The following DYNC1I1 variants were observed in gnomAD, a reference collection of about 807,000 sequenced individuals.
DYNC1I1 encodes cytoplasmic dynein 1 intermediate chain 1.
Under a neutral mutation model 86.6 loss-of-function variants are expected in DYNC1I1, and 43 were observed. The observed-to-expected ratio is 0.50, with a 90% CI of 0.39 to 0.64. The LOEUF (loss-of-function observed/expected upper bound fraction) is 0.64. Among genes scored for constraint, DYNC1I1 ranks in the 30% least tolerant of loss-of-function variants. DYNC1I1 has a pLI of 0.00. For missense variants in DYNC1I1, 604 were observed against 788.8 expected (o/e 0.77, Z 2.81); for synonymous variants, 262 against 283.7 (o/e 0.92, Z 0.77).
rs1793903623 is a variant in DYNC1I1, at chr7:95,997,655, CAACA to C, written c.969+1587_969+1590del. ...TGGGATCATTGACTAAACATTTCTCCAACAAACATTTTTTTTAGTTTCTCCCTTA... is the reference window on the plus strand; with the variant it reads ...TGGGATCATTGACTAAACATTTCTCCAACATTTTTTTTAGTTTCTCCCTTA... On this transcript the variant is annotated intron_variant, in intron 10 of 16. Coordinates refer to ENST00000447467, the MANE Select transcript of DYNC1I1 (RefSeq NM_001135556.2). 2.2e-5 allele frequency among the ~76,000 whole-genome samples: 3 copies of C among 138,246 alleles called. No individual in the cohort carries two copies. The Admixed American group carries it at 2.2e-4, about 10-fold the overall frequency. 90.7% of individuals were successfully genotyped at this position (138,246 alleles called of 152,430 possible).
At chr7:96,028,383 A>G (rs1351267241) in intron 11 of DYNC1I1, 62 bp downstream of exon 11, 13 of 1,549,788 alleles carry the variant, frequency 8.4e-6, no homozygotes, top group African/African-American at 4.1e-5. Flanking sequence ...AAATAACTCT[A>G]CTCAAAAAAG....
downstream of DYNC1I1, among the ~76,000 whole-genome samples, chr7:96,101,615 GGTAAT>G (rs1332271992): frequency 3.3e-5 from 5 of 152,196 alleles, no homozygotes; most frequent in Non-Finnish European, 4.4e-5. Context: ...ACGGCAACAA[GGTAAT>G]GTAATGGAGT....
At chr7:95,996,098 ACTTACAT>A in intron 10 of DYNC1I1, 25 bp downstream of exon 10, 1 of 1,613,876 alleles carries the variant, frequency 6.2e-7, no homozygotes, top group South Asian at 1.1e-5. Flanking sequence ...AGTAAAAATA[ACTTACAT>A]CTCCTGCTAG....
Position 95,941,301 on chromosome 7 carries a change from G to A in DYNC1I1, c.491-36211G>A, listed in dbSNP as rs547734085. ...TGCCCGTTCTCAGATCTCCAGCTGC[G>A]TGCTGGGAGAACCACTGCTCTCTTC... On this transcript the variant is annotated intron_variant, in intron 6 of 16. Coordinates refer to ENST00000447467, the MANE Select transcript of DYNC1I1 (RefSeq NM_001135556.2). Among the ~76,000 whole-genome samples, 60 of 151,746 alleles carry A rather than the reference G, an allele frequency of 4.0e-4. 2 individuals carry two copies. In the South Asian group the frequency reaches 9.6e-3, roughly 24 times the overall value.
At chr7:95,921,884 TG>T (rs1791619748) in intron 6 of DYNC1I1, among the ~76,000 whole-genome samples, 1 of 152,208 alleles carries the variant, frequency 6.6e-6, no homozygotes, top group Non-Finnish European at 1.5e-5. Flanking sequence ...AGTGAGCAAC[TG>T]CTTTGTGCAA....
intron 14 of DYNC1I1, among the ~76,000 whole-genome samples, chr7:96,046,491 A>T (rs1179672164): frequency 6.6e-6 from 1 of 152,208 alleles, no homozygotes; most frequent in African/African-American, 2.4e-5. Context: ...ATATAAGAGG[A>T]AATAGGCACA....
At chr7:95,987,001 T>A in intron 8 of DYNC1I1, 55 bp from the exon 9 acceptor site, 1 of 1,515,438 alleles carries the variant, frequency 6.6e-7, no homozygotes, top group Non-Finnish European at 9.1e-7. Context: ...TGCTTCTATA[T>A]GAGCAGCATA....
intron 6 of DYNC1I1, among the ~76,000 whole-genome samples, chr7:95,952,920 C>G (rs1339317730): frequency 6.6e-6 from 1 of 151,794 alleles, no homozygotes; most frequent in Non-Finnish European, 1.5e-5. Flanking sequence ...CCTTCAGGGT[C>G]TGCCTGTCCA....
intron 10 of DYNC1I1, among the ~76,000 whole-genome samples, chr7:96,010,410 G>T (rs1794248619): frequency 6.6e-6 from 1 of 152,162 alleles, no homozygotes; most frequent in African/African-American, 2.4e-5. Flanking sequence ...TCCTGCAAAT[G>T]TTTGGGGATG....
intron 10 of DYNC1I1, among the ~76,000 whole-genome samples, chr7:96,025,383 A>G (rs1460461275): frequency 6.6e-6 from 1 of 152,126 alleles, no homozygotes. Context: ...CTTAAGATAT[A>G]AGTGAAATTG....
intron 10 of DYNC1I1, among the ~76,000 whole-genome samples, chr7:96,014,823 A>G (rs1794364412): frequency 6.6e-6 from 1 of 152,202 alleles, no homozygotes; most frequent in African/African-American, 2.4e-5. Context: ...GATGAAGCCC[A>G]AACACAACTG....
chr7:95,970,688 G>A (rs1296062893), intron 6 of DYNC1I1, among the ~76,000 whole-genome samples: 1 of 152,144 alleles, frequency 6.6e-6, no homozygotes, highest in Non-Finnish European at 1.5e-5. Flanking sequence ...GTAATTTCCA[G>A]AACAGTCTCC....
At chr7:96,020,068 A>G (rs965263709) in intron 10 of DYNC1I1, among the ~76,000 whole-genome samples, 5 of 151,012 alleles carry the variant, frequency 3.3e-5, no homozygotes, top group Non-Finnish European at 7.4e-5. Flanking sequence ...CCTCATATCC[A>G]TTAGAATGGC....
chr7:96,087,957 A>G (rs974231783), intron 16 of DYNC1I1, among the ~76,000 whole-genome samples: 5 of 152,222 alleles, frequency 3.3e-5, no homozygotes, highest in African/African-American at 1.2e-4. Flanking sequence ...CTATGATTGT[A>G]ATTTTGGTAT....
chr7:96,080,298 TGTA>T, intron 15 of DYNC1I1, 62 bp from the exon 16 acceptor site: 1 of 1,514,578 alleles, frequency 6.6e-7, no homozygotes, highest in Non-Finnish European at 8.8e-7. Flanking sequence ...AACGTATTAT[TGTA>T]AATTTGTATA....
intron 5 of DYNC1I1, among the ~76,000 whole-genome samples, chr7:95,845,397 G>A (rs1789398746): frequency 6.6e-6 from 1 of 152,144 alleles, no homozygotes; most frequent in South Asian, 2.1e-4. Context: ...TAAAGTTATT[G>A]CCATTTGCCT....
rs192266334 is a variant in DYNC1I1, at chr7:96,054,674, C to T, written c.1509+15253C>T. ...TGTTTCCTGACTTTTTAATGATCTC[C>T]ATTCTAACTGACAGTGAGGTTTTGA... On this transcript the variant is annotated intron_variant, in intron 14 of 16. Coordinates refer to ENST00000447467, the MANE Select transcript of DYNC1I1 (RefSeq NM_001135556.2). Among the ~76,000 whole-genome samples the T allele has an allele frequency of 1.1e-3, 160 of 152,250 alleles. 2 individuals carry two copies. The highest frequency in any genetic ancestry group is 3.4e-3 in the Middle Eastern group (1 of 294).
intron 14 of DYNC1I1, among the ~76,000 whole-genome samples, chr7:96,059,160 T>C (rs1487740230): frequency 6.6e-6 from 1 of 152,194 alleles, no homozygotes; most frequent in African/African-American, 2.4e-5. Context: ...TGTTGGTTCA[T>C]TGACATTGGA....
intron 5 of DYNC1I1, among the ~76,000 whole-genome samples, chr7:95,849,458 T>C (rs1789520390): frequency 6.6e-6 from 1 of 152,168 alleles, no homozygotes; most frequent in African/African-American, 2.4e-5. Flanking sequence ...TCCAACACCA[T>C]TTGTTGCAAA....
Sources: gnomAD v4.1 joint callset for allele counts (sites outside exome capture counted in the v4.1 genomes callset) on GRCh38, gnomAD v4.1.1 for gene constraint, MANE v1.5 for transcripts, NCBI Gene and HGNC (gene_info 2026-07-23, HGNC 2026-07-21) for gene names.